The following SPAG16 variants were observed in gnomAD, a reference collection of about 807,000 sequenced individuals.
SPAG16 encodes sperm associated antigen 16, also known as sperm-associated antigen 16 protein.
A neutral mutation model predicts 80.4 loss-of-function variants in SPAG16; 86 were observed. The ratio of observed to expected loss-of-function variants is 1.07; its 90% confidence interval spans 0.90 to 1.28. The LOEUF is 1.28. SPAG16 is among the 50% of genes most tolerant of loss of function. SPAG16 has a pLI of 0.00. For synonymous variants in SPAG16, 294 were observed against 265.9 expected, an observed-to-expected ratio of 1.11 and a Z score of -1.03; for missense variants, 870 against 765.3, an observed-to-expected ratio of 1.14 and a Z score of -1.61.
At chr2:214,046,931 C>A (rs1013334668) in intron 13 of SPAG16, among the ~76,000 whole-genome samples, 12 of 150,940 alleles carry the variant, frequency 8.0e-5, no homozygotes, top group African/African-American at 2.9e-4. Flanking sequence ...TTTAGCAATC[C>A]CATTTACATT....
At chr2:214,269,231 T>C (rs911729474) in intron 15 of SPAG16, among the ~76,000 whole-genome samples, 1 of 151,238 alleles carries the variant, frequency 6.6e-6, no homozygotes, top group African/African-American at 2.5e-5. Flanking sequence ...TGAAAAGAAA[T>C]GACGTTTAAA....
chr2:213,918,645 C>G (rs562465646), intron 11 of SPAG16, among the ~76,000 whole-genome samples: 2 of 152,198 alleles, frequency 1.3e-5, no homozygotes, highest in Non-Finnish European at 2.9e-5. Context: ...GTAAGACATG[C>G]CTTTTACCTT....
chr2:213,968,269 A>T (rs879622203), intron 12 of SPAG16, among the ~76,000 whole-genome samples: 2 of 151,682 alleles, frequency 1.3e-5, no homozygotes, highest in African/African-American at 2.4e-5. Flanking sequence ...CCGCCTCCCA[A>T]GTTCAAGTAT....
At chr2:213,430,880 T>C (rs2070250018) in intron 9 of SPAG16, among the ~76,000 whole-genome samples, 1 of 152,156 alleles carries the variant, frequency 6.6e-6, no homozygotes, top group Admixed American at 6.5e-5. Flanking sequence ...CAAGAGCAAC[T>C]TTCCAGCAGA....
At chr2:213,883,885 C>T (rs1277461558) in intron 11 of SPAG16, among the ~76,000 whole-genome samples, 1 of 152,168 alleles carries the variant, frequency 6.6e-6, no homozygotes, top group Admixed American at 6.5e-5. Context: ...TGTCCATTTA[C>T]TTTGAGCCTG....
chr2:213,857,921 T>G (rs2075247143), intron 10 of SPAG16, among the ~76,000 whole-genome samples: 1 of 152,164 alleles, frequency 6.6e-6, no homozygotes, highest in Admixed American at 6.5e-5. Context: ...GGTTCAAGAC[T>G]TCCCTGGAGG....
intron 10 of SPAG16, among the ~76,000 whole-genome samples, chr2:213,839,106 A>G (rs2125748499): frequency 6.6e-6 from 1 of 152,340 alleles, no homozygotes; most frequent in East Asian, 1.9e-4. Context: ...GAGACTGTGA[A>G]CTACACATTT....
intron 15 of SPAG16, among the ~76,000 whole-genome samples, chr2:214,282,837 A>T (rs559903880): frequency 6.6e-6 from 1 of 152,208 alleles, no homozygotes; most frequent in Non-Finnish European, 1.5e-5. Context: ...ACTGTGAGAC[A>T]CTATGTAGGT....
chr2:213,603,918 C>T (rs1174179948), intron 10 of SPAG16, among the ~76,000 whole-genome samples: 2 of 150,910 alleles, frequency 1.3e-5, no homozygotes, highest in East Asian at 3.9e-4. Context: ...TACCCAAAGA[C>T]TTCCTGGTTT....
At chr2:213,696,974 A>G (rs772877315) in intron 10 of SPAG16, among the ~76,000 whole-genome samples, 3 of 152,196 alleles carry the variant, frequency 2.0e-5, no homozygotes, top group Non-Finnish European at 4.4e-5. Flanking sequence ...AATAGAAACA[A>G]ATTGATGATG....
chr2:213,582,820 A>T (rs1242085816), intron 10 of SPAG16, among the ~76,000 whole-genome samples: 2 of 152,138 alleles, frequency 1.3e-5, no homozygotes, highest in Non-Finnish European at 2.9e-5. Context: ...TAGAATGTTC[A>T]TTTTTATTTG....
Position 214,273,615 on chromosome 2 carries a change from G to A in SPAG16, c.1720+124349G>A, listed in dbSNP as rs1315141942. 3.9e-5 allele frequency among the ~76,000 whole-genome samples: 6 copies of A among 152,024 alleles called. No individual in the cohort carries two copies. The East Asian group carries it at 1.2e-3, about 29-fold the overall frequency. On this transcript the variant is annotated intron_variant, in intron 15 of 15. Coordinates refer to ENST00000331683, the MANE Select transcript of SPAG16 (RefSeq NM_024532.5). Reference sequence around the variant, plus strand: ...AAGATCAGATTATTGTAGATGTGTGGTGTTATTCCTGAGGCCTCTGTTCTG... The same window carrying A: ...AAGATCAGATTATTGTAGATGTGTGATGTTATTCCTGAGGCCTCTGTTCTG...
intron 13 of SPAG16, 67 bp downstream of exon 13, chr2:214,014,144 G>T: frequency 3.2e-6 from 5 of 1,581,534 alleles, no homozygotes; most frequent in Non-Finnish European, 4.3e-6. Context: ...CATTCTTTGG[G>T]TATGGAATAT....
At chr2:213,591,742 T>C (rs1390366294) in intron 10 of SPAG16, among the ~76,000 whole-genome samples, 3 of 151,982 alleles carry the variant, frequency 2.0e-5, no homozygotes, top group African/African-American at 7.2e-5. Flanking sequence ...GGATGGAAAA[T>C]TGCTAAGAAG....
chr2:214,107,514 T>C (rs563060337), intron 13 of SPAG16, among the ~76,000 whole-genome samples: 52 of 152,258 alleles, frequency 3.4e-4, no homozygotes, highest in African/African-American at 1.1e-3. Context: ...CACATTTAGA[T>C]ATTTAGATCC....
intron 13 of SPAG16, among the ~76,000 whole-genome samples, chr2:214,023,919 A>G (rs2048011095): frequency 1.3e-5 from 2 of 151,722 alleles, no homozygotes; most frequent in South Asian, 4.1e-4. Flanking sequence ...AATTATAATG[A>G]CTATGTCCAT....
At chr2:214,297,512 G>T (rs926563273) in intron 15 of SPAG16, among the ~76,000 whole-genome samples, 1 of 152,080 alleles carries the variant, frequency 6.6e-6, no homozygotes, top group Non-Finnish European at 1.5e-5. Flanking sequence ...GAGAGGTATG[G>T]GTCCAGTTTC....
rs144847368 is a variant in SPAG16, at chr2:213,980,696, A to ATGTGTG, written c.1401-33243_1401-33238dup. On this transcript the variant is annotated intron_variant, in intron 12 of 15. Transcript: ENST00000331683. The stretch of plus-strand genomic sequence containing the variant: ...ATATATGTGTGTATATATAGAATAT[A>ATGTGTG]TGTGTGTGTGTGTGTGTATATATAT... Among the ~76,000 whole-genome samples, 42 of 101,840 alleles carry ATGTGTG rather than the reference A, an allele frequency of 4.1e-4. 2 individuals carry two copies. Among genetic ancestry groups the ATGTGTG allele is most frequent in the African/African-American group, 2.0e-3 (41 of 20,996 alleles). 66.8% of individuals were successfully genotyped at this position (101,840 alleles called of 152,430 possible).
chr2:213,867,926 CAAAAAA>C (rs35795865), intron 11 of SPAG16, among the ~76,000 whole-genome samples: 1 of 45,892 alleles, frequency 2.2e-5, no homozygotes, highest in Non-Finnish European at 4.5e-5. Context: ...TCTGTCTCAA[CAAAAAA>C]AAAAAAAAAA....
Sources: gnomAD v4.1 joint callset for allele counts (sites outside exome capture counted in the v4.1 genomes callset) on GRCh38, gnomAD v4.1.1 for gene constraint, MANE v1.5 for transcripts, NCBI Gene and HGNC (gene_info 2026-07-23, HGNC 2026-07-21) for gene names.